Variants in RNF130 observed in about 807,000 individuals in gnomAD.
The protein encoded by RNF130 is E3 ubiquitin-protein ligase RNF130.
Under a neutral mutation model 44.6 loss-of-function variants are expected in RNF130, and 21 were observed. The ratio of observed to expected loss-of-function variants is 0.47; its 90% CI spans 0.33 to 0.68. The LOEUF is 0.68. Ranked by LOEUF, RNF130 falls within the 30% of genes least tolerant of loss-of-function variation. The pLI is 0.02. For synonymous variants in RNF130, 214 were observed against 210.4 expected, an observed-to-expected ratio of 1.02 and a Z score of -0.15; for missense variants, 479 against 560.6, an observed-to-expected ratio of 0.85 and a Z score of 1.47.
intron 7 of RNF130, 58 bp from the exon 8 acceptor site, chr5:179,963,622 T>C: frequency 8.4e-7 from 1 of 1,193,568 alleles, no homozygotes; most frequent in Non-Finnish European, 1.2e-6. Context: ...GTCAAATCGA[T>C]GCCAACATTT....
intron 2 of RNF130, among the ~76,000 whole-genome samples, chr5:180,018,165 G>T (rs1763782360): frequency 6.6e-6 from 1 of 151,946 alleles, no homozygotes; most frequent in Admixed American, 6.6e-5. Flanking sequence ...TGTGGTGGCA[G>T]GCGCCTGTAA....
chr5:180,001,422 T>C (rs1488392583), intron 3 of RNF130, among the ~76,000 whole-genome samples: 1 of 152,162 alleles, frequency 6.6e-6, no homozygotes, highest in Non-Finnish European at 1.5e-5. Flanking sequence ...CAAAGTGGGA[T>C]ATGTTACCCA....
At chr5:179,974,045 C>T (rs1254084505) in intron 5 of RNF130, among the ~76,000 whole-genome samples, 1 of 152,124 alleles carries the variant, frequency 6.6e-6, no homozygotes, top group African/African-American at 2.4e-5. Flanking sequence ...GGGGAGGCCT[C>T]TATATTGAAG....
chr5:180,027,238 C>T (rs779268072), intron 2 of RNF130, among the ~76,000 whole-genome samples: 45 of 152,212 alleles, frequency 3.0e-4, no homozygotes, highest in Non-Finnish European at 5.1e-4. Flanking sequence ...TTCCAATTAG[C>T]TTATGTGATT....
In RNF130 at chr5:180,045,996, G is replaced by C. The variant is rs1186556014; in HGVS notation, c.248-5349C>G. 2.0e-5 allele frequency among the ~76,000 whole-genome samples: 3 copies of C among 152,234 alleles called. No homozygotes were observed. The East Asian group carries it at 5.8e-4, about 29-fold the overall frequency. ...GCGGTGGATGGGACCGAGCCCCGTG[G>C]AGCAGGGGGCAGCGCTCGCCGGGGA... On this transcript the variant is annotated intron_variant, in intron 1 of 8. Transcript: ENST00000521389.
intron 2 of RNF130, among the ~76,000 whole-genome samples, chr5:180,039,660 A>C (rs1277970539): frequency 6.6e-6 from 1 of 152,226 alleles, no homozygotes; most frequent in Non-Finnish European, 1.5e-5. Context: ...TGCTAAAAAT[A>C]ATTATGTAAA....
intron 8 of RNF130, among the ~76,000 whole-genome samples, chr5:179,957,415 T>C (rs1056245200): frequency 1.3e-5 from 2 of 152,024 alleles, no homozygotes; most frequent in African/African-American, 4.8e-5. Flanking sequence ...CTGTCTCAAA[T>C]AAATAAATAA....
At chr5:179,982,861 G>A (rs900733599) in intron 3 of RNF130, among the ~76,000 whole-genome samples, 8 of 152,206 alleles carry the variant, frequency 5.3e-5, no homozygotes, top group Admixed American at 2.0e-4. Flanking sequence ...TGAGATTACA[G>A]GTGTGAGCCA....
In RNF130 at chr5:180,071,649, C is replaced by T. The variant is rs746936308; in HGVS notation, c.54G>A (p.Leu18=). The T allele has an allele frequency of 5.4e-6, 8 of 1,476,832 alleles. No individual in the cohort carries two copies. The highest frequency in any genetic ancestry group is 7.2e-6 in the Non-Finnish European group (8 of 1,113,084). 91.5% of individuals were successfully genotyped at this position (1,476,832 alleles called of 1,614,324 possible). The change falls in exon 1 of 9, where the codon CTG becomes CTA. Residue 18 remains leucine, a synonymous_variant. Transcript: ENST00000521389. ...GPARLAALAL[L]TCSLWPARAD... ...CCCGTGCCGGCCACAGGCTGCAGGT[C>T]AGCAGGGCGAGCGCGGCGAGCCGGG... is the stretch of plus-strand genomic sequence containing the variant.
intron 7 of RNF130, among the ~76,000 whole-genome samples, chr5:179,920,796 T>TAA (rs200144083): frequency 9.2e-6 from 1 of 108,732 alleles, no homozygotes; most frequent in Non-Finnish European, 1.8e-5. Flanking sequence ...TATATATATA[T>TAA]TTTTTTTTTT....
At chr5:180,071,267 T>C (rs1370043419) in intron 1 of RNF130, among the ~76,000 whole-genome samples, 189 bp downstream of exon 1, 1 of 152,228 alleles carries the variant, frequency 6.6e-6, no homozygotes, top group African/African-American at 2.4e-5. Context: ...AAAAACCCAG[T>C]CACGCTCCTG....
chr5:179,960,511 C>A (rs1762301992), intron 8 of RNF130, among the ~76,000 whole-genome samples: 1 of 152,166 alleles, frequency 6.6e-6, no homozygotes. Flanking sequence ...GGGCTTGCAC[C>A]CCTTGTGGGG....
exon 8 of RNF130, chr5:179,920,276 C>A (rs556887232): frequency 1.5e-6 from 1 of 672,040 alleles, no homozygotes; most frequent in Non-Finnish European, 2.7e-6. Flanking sequence ...GAAATCAAAT[C>A]ACAAAAGCAG....
Position 180,040,753 on chromosome 5 carries a change from A to G in RNF130, c.248-106T>C, listed in dbSNP as rs1042356994. Reference sequence around the variant, plus strand: ...TACCACACAGAGCTAAAGCACGTGAAGCAGCTCGCTGCCAGCAGAGCTATG... The same window carrying G: ...TACCACACAGAGCTAAAGCACGTGAGGCAGCTCGCTGCCAGCAGAGCTATG... On this transcript the variant is annotated intron_variant, in intron 1 of 8. Coordinates refer to ENST00000521389, the MANE Select transcript of RNF130 (RefSeq NM_018434.6). The G allele has an allele frequency of 2.1e-5, 21 of 996,182 alleles. No individual in the cohort carries two copies. The African/African-American group carries it at 2.8e-4, about 13-fold the overall frequency. 61.7% of individuals were successfully genotyped at this position (996,182 alleles called of 1,614,324 possible). A position where few individuals can be genotyped will look rare whatever the true frequency, so the allele number is the denominator to read the frequency against.
chr5:179,928,416 A>G (rs1026164173), intron 7 of RNF130, among the ~76,000 whole-genome samples: 6 of 151,962 alleles, frequency 3.9e-5, no homozygotes, highest in Non-Finnish European at 4.4e-5. Context: ...CTATGTTTTA[A>G]CGTCCATTCC....
In RNF130 at chr5:179,984,476, C is replaced by T. The variant is rs192312881; in HGVS notation, c.694-4276G>A. Among the ~76,000 whole-genome samples, 18 of 152,206 alleles carry T rather than the reference C, an allele frequency of 1.2e-4. No individual in the cohort carries two copies. In the East Asian group the frequency reaches 3.1e-3, roughly 26 times the overall value. ...AAAATCAGGAATCGATGTTGGACTTCGGCAAATATCTTTTCTCCATCTATT... is the reference window on the plus strand; with the variant it reads ...AAAATCAGGAATCGATGTTGGACTTTGGCAAATATCTTTTCTCCATCTATT... On this transcript the variant is annotated intron_variant, in intron 3 of 8. Transcript: ENST00000521389.
At chr5:179,947,696 G>A (rs1401702035) in intron 7 of RNF130, among the ~76,000 whole-genome samples, 3 of 152,210 alleles carry the variant, frequency 2.0e-5, no homozygotes, top group Non-Finnish European at 4.4e-5. Context: ...GACCTAGCAT[G>A]CAGTTAAGCA....
At chr5:179,981,326 C>T (rs772400306) in intron 3 of RNF130, among the ~76,000 whole-genome samples, 7 of 152,160 alleles carry the variant, frequency 4.6e-5, no homozygotes, top group Non-Finnish European at 7.3e-5. Flanking sequence ...TAGACACATC[C>T]AGGCCTTACA....
chr5:180,055,162 C>T (rs1278145801), intron 1 of RNF130, among the ~76,000 whole-genome samples: 4 of 145,930 alleles, frequency 2.7e-5, no homozygotes, highest in Non-Finnish European at 6.0e-5. Context: ...GGTGAAAACC[C>T]ATCTCTACTA....
Sources: allele counts gnomAD v4.1 joint callset (sites outside exome capture counted in the v4.1 genomes callset), GRCh38; gene constraint gnomAD v4.1.1; transcripts MANE v1.5; gene names NCBI Gene and HGNC (gene_info 2026-07-23, HGNC 2026-07-21).